ARSB: variants seen among roughly 807,000 people sequenced by gnomAD.
The protein encoded by ARSB is arylsulfatase B, also known as N-acetylgalactosamine-4-sulfatase.
In ARSB, 41 loss-of-function variants were observed where a neutral mutation model predicts 50.9. The observed-to-expected ratio is 0.81, with a 90% CI of 0.63 to 1.04. The LOEUF (loss-of-function observed/expected upper bound fraction) is 1.04, where lower values mean the gene tolerates loss of function less well. Ranked by LOEUF, ARSB falls within the 50% of genes least tolerant of loss-of-function variation. ARSB has a pLI of 0.00. For missense variants in ARSB, 672 were observed against 693.3 expected, an observed-to-expected ratio of 0.97 and a Z score of 0.35; for synonymous variants, 269 against 284.8, an observed-to-expected ratio of 0.94 and a Z score of 0.56.
chr5:78,889,436 GA>G (rs1008071766), intron 4 of ARSB, among the ~76,000 whole-genome samples: 5 of 152,106 alleles, frequency 3.3e-5, no homozygotes, highest in African/African-American at 9.6e-5. Context: ...ACTGACATAT[GA>G]AAAAAATTCC....
In ARSB at chr5:78,968,317, TA is replaced by T. The variant is rs869271100; in HGVS notation, c.499+688del. Among the ~76,000 whole-genome samples, 80 of 8,788 alleles carry T rather than the reference TA, an allele frequency of 9.1e-3. 1 individual carries two copies. Among genetic ancestry groups the T allele is most frequent in the African/African-American group, 0.051 (62 of 1,206 alleles). 5.8% of individuals were successfully genotyped at this position (8,788 alleles called of 152,430 possible). On this transcript the variant is annotated intron_variant, in intron 2 of 7. Transcript: ENST00000264914. The stretch of plus-strand genomic sequence containing the variant: ...TGAAGGAAATATTCATTTTTTATTT[TA>T]TTATTATTATTATTATTATTATTAT...
intron 5 of ARSB, among the ~76,000 whole-genome samples, chr5:78,873,290 T>C (rs75007253): frequency 0.02 from 3,010 of 151,914 alleles, 102 homozygotes; most frequent in African/African-American, 0.07. Flanking sequence ...ACATTATACA[T>C]GACATTCTCT....
intron 4 of ARSB, among the ~76,000 whole-genome samples, chr5:78,904,309 G>A (rs191660064): frequency 1.1e-3 from 161 of 152,060 alleles, no homozygotes; most frequent in African/African-American, 3.8e-3. Flanking sequence ...TATGGGTATT[G>A]TTTTTTGTGT....
rs145670652 is a variant in ARSB, at chr5:78,933,501, T to G, written c.898+21794A>C. The stretch of plus-strand genomic sequence containing the variant: ...TCCCAGGCCCACAACAATTACTTTT[T>G]TTTGTGGAGGTCAATGGCGATAGAG... On this transcript the variant is annotated intron_variant, in intron 4 of 7. Coordinates refer to ENST00000264914, the MANE Select transcript of ARSB (RefSeq NM_000046.5). Among the ~76,000 whole-genome samples the G allele has an allele frequency of 6.6e-4, 100 of 152,302 alleles. No individual in the cohort carries two copies. The East Asian group carries it at 0.016, about 25-fold the overall frequency.
At chr5:78,873,498 AT>A (rs71001133) in intron 5 of ARSB, among the ~76,000 whole-genome samples, 5 of 93,210 alleles carry the variant, frequency 5.4e-5, no homozygotes, top group African/African-American at 1.5e-4. Flanking sequence ...TAAAACTGTA[AT>A]TTTTTTTTTT....
In ARSB at chr5:78,816,249, T is replaced by C. The variant is rs1022816823; in HGVS notation, c.1213+23107A>G. ...GTGAATTCCTAAAGGGCAAGGACTG[T>C]CTCCTTCATTATTCTAGTGCCTAAC... On this transcript the variant is annotated intron_variant, in intron 6 of 7. Transcript: ENST00000264914. 3.2e-6 allele frequency: 5 copies of C among 1,538,772 alleles called. No individual in the cohort carries two copies. In the African/African-American group the frequency reaches 6.8e-5, roughly 21 times the overall value.
chr5:78,968,538 A>G (rs1423776032), intron 2 of ARSB, among the ~76,000 whole-genome samples: 3 of 151,902 alleles, frequency 2.0e-5, no homozygotes, highest in Non-Finnish European at 4.4e-5. Context: ...TTTAGTAGAG[A>G]CAGAGTTTCA....
intron 4 of ARSB, among the ~76,000 whole-genome samples, chr5:78,935,012 TTTGA>T (rs1296283570): frequency 6.6e-6 from 1 of 152,126 alleles, no homozygotes; most frequent in African/African-American, 2.4e-5. Context: ...ACATTTAATT[TTTGA>T]TTATTTAATT....
At chr5:78,869,951 A>G (rs1180082650) in intron 5 of ARSB, among the ~76,000 whole-genome samples, 2 of 151,410 alleles carry the variant, frequency 1.3e-5, no homozygotes, top group African/African-American at 4.8e-5. Flanking sequence ...AGAAGAATCA[A>G]ATAGACACAA....
chr5:78,952,544 C>T (rs181114874), intron 4 of ARSB, among the ~76,000 whole-genome samples: 1 of 152,198 alleles, frequency 6.6e-6, no homozygotes, highest in Non-Finnish European at 1.5e-5. Flanking sequence ...ACCATGTTTC[C>T]CAGGCTGGTG....
intron 4 of ARSB, among the ~76,000 whole-genome samples, chr5:78,933,756 T>C (rs1273816796): frequency 6.6e-6 from 1 of 152,178 alleles, no homozygotes; most frequent in African/African-American, 2.4e-5. Context: ...CCTCAGAACC[T>C]GTGAATATGT....
At position 78,780,682 on chromosome 5, in the gene ARSB, A is replaced by C. The variant is rs757709235; in HGVS notation, c.1337-20T>G. Reference sequence around the variant, plus strand: ...CACAGCCTAGCAAAGAAAACAAAACAGTTTACTGAGGGAGAAGCACAGAGG... The same window carrying C: ...CACAGCCTAGCAAAGAAAACAAAACCGTTTACTGAGGGAGAAGCACAGAGG... On this transcript the variant is annotated intron_variant, in intron 7 of 7. Coordinates refer to ENST00000264914, the MANE Select transcript of ARSB (RefSeq NM_000046.5). 1.2e-6 allele frequency: 2 copies of C among 1,613,680 alleles called. No individual in the cohort carries two copies. The highest frequency in any genetic ancestry group is 8.5e-7 in the Non-Finnish European group (1 of 1,179,860).
intron 4 of ARSB, among the ~76,000 whole-genome samples, chr5:78,907,900 G>A (rs945540939): frequency 2.0e-5 from 3 of 152,114 alleles, no homozygotes; most frequent in African/African-American, 7.2e-5. Flanking sequence ...GCAAATGTGG[G>A]CCAGTTTTGA....
chr5:78,878,562 T>TG (rs910431050), intron 5 of ARSB, among the ~76,000 whole-genome samples: 1 of 34,780 alleles, frequency 2.9e-5, no homozygotes, highest in East Asian at 1.1e-3. Flanking sequence ...TCATTTTATG[T>TG]GTTTTTTTTT....
intron 4 of ARSB, among the ~76,000 whole-genome samples, chr5:78,922,841 C>T (rs530215665): frequency 2.6e-5 from 4 of 152,012 alleles, no homozygotes; most frequent in Non-Finnish European, 5.9e-5. Context: ...CCAGGATGGT[C>T]TTGATCTCCT....
At chr5:78,916,187 T>C (rs1749537111) in intron 4 of ARSB, among the ~76,000 whole-genome samples, 1 of 152,208 alleles carries the variant, frequency 6.6e-6, no homozygotes, top group African/African-American at 2.4e-5. Context: ...TACCTTACAT[T>C]TCTTTTAAGG....
chr5:78,853,671 A>G (rs1745977537), intron 5 of ARSB, among the ~76,000 whole-genome samples: 1 of 152,232 alleles, frequency 6.6e-6, no homozygotes, highest in East Asian at 1.9e-4. Context: ...GGTGGAGCCT[A>G]CAGAGGCAGG....
intron 5 of ARSB, among the ~76,000 whole-genome samples, chr5:78,845,727 AT>A (rs1479200559): frequency 6.6e-6 from 1 of 151,878 alleles, no homozygotes; most frequent in Admixed American, 6.6e-5. Context: ...AAACTGGATT[AT>A]TTGGGGGGTT....
At chr5:78,971,311 T>C (rs2112537772) in intron 1 of ARSB, among the ~76,000 whole-genome samples, 1 of 152,220 alleles carries the variant, frequency 6.6e-6, no homozygotes, top group East Asian at 1.9e-4. Flanking sequence ...CTCTTCTTTG[T>C]AGAAAGTGGG....
Sources: allele counts gnomAD v4.1 joint callset (sites outside exome capture counted in the v4.1 genomes callset), GRCh38; gene constraint gnomAD v4.1.1; transcripts MANE v1.5; gene names NCBI Gene and HGNC (gene_info 2026-07-23, HGNC 2026-07-21).